The following SEMA3E variants were observed in gnomAD, a reference collection of about 807,000 sequenced individuals.
SEMA3E encodes semaphorin-3E.
A neutral mutation model predicts 93.6 loss-of-function variants in SEMA3E; 49 were observed. The observed-to-expected ratio is 0.52, with a 90% CI of 0.42 to 0.66. The LOEUF is 0.66. SEMA3E is among the 30% of genes least tolerant of loss of function. The pLI is 0.00. For missense variants in SEMA3E, 906 were observed against 964.8 expected (o/e 0.94, Z 0.81); for synonymous variants, 363 against 330.7 (o/e 1.10, Z -1.06).
intron 4 of SEMA3E, among the ~76,000 whole-genome samples, chr7:83,454,382 G>A (rs1416180347): frequency 6.6e-6 from 1 of 150,718 alleles, no homozygotes; most frequent in Non-Finnish European, 1.5e-5. Flanking sequence ...CAGAATTTCA[G>A]GGGTTTAGAA....
At chr7:83,464,710 T>C (rs1445771508) in intron 4 of SEMA3E, among the ~76,000 whole-genome samples, 1 of 127,588 alleles carries the variant, frequency 7.8e-6, no homozygotes, top group Non-Finnish European at 1.7e-5. Flanking sequence ...CCAATCATTC[T>C]ATACGACAAA....
Position 83,402,640 on chromosome 7 carries a change from G to T in SEMA3E, c.1135C>A (p.Pro379Thr). 1 of 1,612,100 alleles carries T rather than the reference G, an allele frequency of 6.2e-7. No individual in the cohort carries two copies. The highest frequency in any genetic ancestry group is 1.3e-5 in the African/African-American group (1 of 74,950). Residue 379 changes from proline to threonine, a missense_variant, in exon 10 of 17, where the codon CCT (proline) becomes ACT (threonine). Physicochemically the swap from Pro to Thr is conservative, Grantham distance 38. Coordinates refer to ENST00000643230, the MANE Select transcript of SEMA3E (RefSeq NM_012431.3). ...TATATAACTAAACTTACAGAACCAG[G>T]CCTTGGATAAGGGACTTTTCCTTCA... ...VYEGKVPYPRPGSCASKVNGG... is the reference protein window; with the variant it reads ...VYEGKVPYPRTGSCASKVNGG...
chr7:83,611,308 T>A lies in SEMA3E; in HGVS notation c.115+37120A>T, dbSNP rs535042195. Among the ~76,000 whole-genome samples, 105 of 144,082 alleles carry A rather than the reference T, an allele frequency of 7.3e-4. 1 individual carries two copies. The Middle Eastern group carries it at 0.011, about 15-fold the overall frequency. The allele number at this position is 144,082 out of a possible 152,430, so 94.5% of individuals were successfully genotyped here. On this transcript the variant is annotated intron_variant, in intron 1 of 16. Transcript: ENST00000643230. ...ATATTAAATTTATATATTATATATA[T>A]AAATTTATGTATAATATATAAATTT...
chr7:83,553,052 C>A (rs1791798753), intron 1 of SEMA3E, among the ~76,000 whole-genome samples: 1 of 151,972 alleles, frequency 6.6e-6, no homozygotes, highest in Admixed American at 6.6e-5. Context: ...TGTTCTTATA[C>A]CCTCTCCCCT....
At chr7:83,594,875 A>G (rs905627457) in intron 1 of SEMA3E, among the ~76,000 whole-genome samples, 1 of 151,608 alleles carries the variant, frequency 6.6e-6, no homozygotes, top group Non-Finnish European at 1.5e-5. Flanking sequence ...TGCATCTGCA[A>G]TTTGTTTAGT....
chr7:83,596,810 A>C (rs1372478122), intron 1 of SEMA3E, among the ~76,000 whole-genome samples: 3 of 152,130 alleles, frequency 2.0e-5, no homozygotes, highest in Non-Finnish European at 4.4e-5. Flanking sequence ...TTATCTGTGT[A>C]AATCTTTTAG....
intron 4 of SEMA3E, among the ~76,000 whole-genome samples, chr7:83,463,828 C>G (rs1251712940): frequency 6.6e-6 from 1 of 152,070 alleles, no homozygotes; most frequent in African/African-American, 2.4e-5. Flanking sequence ...ATTATTCAGG[C>G]CCCCTCCCTT....
At chr7:83,377,943 T>A (rs1787685249) in intron 16 of SEMA3E, among the ~76,000 whole-genome samples, 1 of 151,946 alleles carries the variant, frequency 6.6e-6, no homozygotes, top group Admixed American at 6.6e-5. Flanking sequence ...TGTTACTCAG[T>A]ATTAAAATTT....
At chr7:83,383,614 T>C (rs1165508308) in intron 16 of SEMA3E, among the ~76,000 whole-genome samples, 1 of 151,956 alleles carries the variant, frequency 6.6e-6, no homozygotes, top group African/African-American at 2.4e-5. Context: ...ATACATTAGT[T>C]GGGGAAATTT....
At chr7:83,459,113 A>G (rs1789556834) in intron 4 of SEMA3E, among the ~76,000 whole-genome samples, 1 of 151,760 alleles carries the variant, frequency 6.6e-6, no homozygotes, top group Non-Finnish European at 1.5e-5. Context: ...CCTAAGAAAT[A>G]CAGATACTGA....
intron 16 of SEMA3E, among the ~76,000 whole-genome samples, chr7:83,381,463 T>C (rs1312595975): frequency 6.6e-6 from 1 of 152,036 alleles, no homozygotes; most frequent in African/African-American, 2.4e-5. Flanking sequence ...ATGTCACTTT[T>C]ATGGTGACCT....
At chr7:83,433,834 C>T (rs76131313) in intron 4 of SEMA3E, among the ~76,000 whole-genome samples, 1 of 152,124 alleles carries the variant, frequency 6.6e-6, no homozygotes, top group East Asian at 1.9e-4. Flanking sequence ...TTTTATAGCT[C>T]TATAGCTTAT....
At chr7:83,529,887 C>T (rs925863333) in intron 1 of SEMA3E, among the ~76,000 whole-genome samples, 12 of 152,048 alleles carry the variant, frequency 7.9e-5, no homozygotes, top group Non-Finnish European at 1.6e-4. Flanking sequence ...ATCTTTATAT[C>T]GGATTATACT....
At chr7:83,637,789 CTTT>C (rs202153375) in intron 1 of SEMA3E, among the ~76,000 whole-genome samples, 3 of 128,972 alleles carry the variant, frequency 2.3e-5, no homozygotes, top group Non-Finnish European at 3.3e-5. Flanking sequence ...TCTGGCAGTT[CTTT>C]TTTTTTTTTT....
intron 1 of SEMA3E, among the ~76,000 whole-genome samples, chr7:83,542,607 T>C (rs1042722068): frequency 3.3e-5 from 5 of 151,992 alleles, no homozygotes; most frequent in Non-Finnish European, 1.5e-5. Flanking sequence ...AAAAAAAAAC[T>C]GACCTTTTCA....
At chr7:83,381,099 C>T (rs1787768380) in intron 16 of SEMA3E, among the ~76,000 whole-genome samples, 1 of 151,972 alleles carries the variant, frequency 6.6e-6, no homozygotes, top group Non-Finnish European at 1.5e-5. Context: ...ATACTATAAT[C>T]TTAATACAAT....
chr7:83,607,290 A>G (rs1189182772), intron 1 of SEMA3E, among the ~76,000 whole-genome samples: 1 of 152,228 alleles, frequency 6.6e-6, no homozygotes, highest in African/African-American at 2.4e-5. Flanking sequence ...CTTTTTGAAT[A>G]TATGAAAATC....
chr7:83,408,346 A>G lies in SEMA3E; in HGVS notation c.670+22T>C, dbSNP rs771659788. On this transcript the variant is annotated intron_variant, in intron 6 of 16. Transcript: ENST00000643230. ...AGAGTTGATTTCAATCCTAATTCAC[A>G]TACTCTTTTCCTCATCCTTACCTTT... 3.7e-6 allele frequency: 6 copies of G among 1,613,506 alleles called. No individual in the cohort carries two copies. In the East Asian group the frequency reaches 1.1e-4, roughly 30 times the overall value.
Position 83,429,503 on chromosome 7 carries a change from T to A in SEMA3E, c.457-11020A>T, listed in dbSNP as rs546828619. 3.3e-5 allele frequency among the ~76,000 whole-genome samples: 5 copies of A among 152,318 alleles called. No individual in the cohort carries two copies. In the East Asian group the frequency reaches 9.7e-4, roughly 29 times the overall value. On this transcript the variant is annotated intron_variant, in intron 4 of 16. Transcript: ENST00000643230. ...TGAAGCAAATATCCTTCAAACCTTA[T>A]GTTTTTCTGAAGCCTGCTTTTACTG...
Sources: allele counts gnomAD v4.1 joint callset (sites outside exome capture counted in the v4.1 genomes callset), GRCh38; gene constraint gnomAD v4.1.1; transcripts MANE v1.5; gene names NCBI Gene and HGNC (gene_info 2026-07-23, HGNC 2026-07-21).